The following AGBL4 variants were observed in gnomAD, a reference collection of about 807,000 sequenced individuals.
AGBL4 encodes the protein AGBL carboxypeptidase 4.
AGBL4 carries 58 observed loss-of-function variants against 66.4 expected under a neutral mutation model. The ratio of observed to expected loss-of-function variants is 0.87; its 90% CI spans 0.71 to 1.09. The LOEUF is 1.09. AGBL4 is among the 50% of genes least tolerant of loss of function. AGBL4 has a pLI of 0.00. For missense variants in AGBL4, 579 were observed against 631.0 expected, an observed-to-expected ratio of 0.92 and a Z score of 0.88; for synonymous variants, 234 against 222.9, an observed-to-expected ratio of 1.05 and a Z score of -0.44.
intron 4 of AGBL4, among the ~76,000 whole-genome samples, chr1:49,167,520 T>C (rs1048282743): frequency 5.9e-5 from 9 of 152,238 alleles, no homozygotes; most frequent in African/African-American, 2.2e-4. Context: ...CCTAGGTCTT[T>C]GAGCTCTATA....
intron 1 of AGBL4, among the ~76,000 whole-genome samples, chr1:49,942,311 A>G (rs1654833382): frequency 6.6e-6 from 1 of 152,054 alleles, no homozygotes; most frequent in African/African-American, 2.4e-5. Context: ...TTACAATGAC[A>G]TTTTTCACAA....
At chr1:49,892,475 A>AT (rs1457172375) in intron 1 of AGBL4, among the ~76,000 whole-genome samples, 2 of 152,000 alleles carry the variant, frequency 1.3e-5, no homozygotes, top group African/African-American at 2.4e-5. Flanking sequence ...ATCCCATTTG[A>AT]TTTTTTTACC....
At chr1:48,673,833 C>T (rs1438061609) in intron 6 of AGBL4, among the ~76,000 whole-genome samples, 3 of 152,238 alleles carry the variant, frequency 2.0e-5, no homozygotes, top group Non-Finnish European at 4.4e-5. Flanking sequence ...GTTTATGAAG[C>T]ATTCAGGTAC....
chr1:49,201,549 T>A (rs940401405), intron 4 of AGBL4, among the ~76,000 whole-genome samples: 1 of 152,194 alleles, frequency 6.6e-6, no homozygotes, highest in Non-Finnish European at 1.5e-5. Context: ...TTAGAATGTG[T>A]GTGACTGTAC....
rs1393276933 is a variant in AGBL4 at position 48,587,167 on chromosome 1, C to T, written c.1105-1G>A. On this transcript the variant is annotated splice_acceptor_variant, in intron 10 of 13. Transcript: ENST00000371839. LOFTEE classifies it high-confidence loss of function. ...CGTCCCGGTTAAAGGATGTGCTGGA[C>T]TGTGAAAGACAGAGTAGGGAGGAGA... 1.3e-6 allele frequency: 2 copies of T among 1,550,314 alleles called. No individual in the cohort carries two copies. Among genetic ancestry groups the T allele is most frequent in the Non-Finnish European group, 8.7e-7 (1 of 1,146,516 alleles).
chr1:48,878,381 A>G (rs535779256), intron 5 of AGBL4, among the ~76,000 whole-genome samples: 7 of 152,238 alleles, frequency 4.6e-5, no homozygotes, highest in African/African-American at 1.4e-4. Flanking sequence ...GGAATCAACA[A>G]TTCACCTTCT....
intron 6 of AGBL4, among the ~76,000 whole-genome samples, chr1:48,718,269 C>A (rs1370411184): frequency 6.6e-6 from 1 of 152,164 alleles, no homozygotes; most frequent in African/African-American, 2.4e-5. Flanking sequence ...GCAGCCCCAC[C>A]CTGCAAAGCC....
At chr1:49,936,291 A>G (rs1312671080) in intron 1 of AGBL4, among the ~76,000 whole-genome samples, 1 of 152,178 alleles carries the variant, frequency 6.6e-6, no homozygotes, top group Non-Finnish European at 1.5e-5. Context: ...TAGAGAAAAA[A>G]GAATAAAAAG....
At chr1:49,004,961 G>T in intron 5 of AGBL4, among the ~76,000 whole-genome samples, 1 of 152,154 alleles carries the variant, frequency 6.6e-6, no homozygotes, top group East Asian at 1.9e-4. Flanking sequence ...TGTTTGATGA[G>T]CACTGTTTCT....
At chr1:49,673,802 A>G (rs562716401) in intron 3 of AGBL4, among the ~76,000 whole-genome samples, 1 of 152,192 alleles carries the variant, frequency 6.6e-6, no homozygotes, top group East Asian at 1.9e-4. Flanking sequence ...AGACATAAGT[A>G]TAAACAAATA....
intron 6 of AGBL4, among the ~76,000 whole-genome samples, chr1:48,789,536 A>G (rs529389036): frequency 5.9e-5 from 9 of 152,102 alleles, no homozygotes; most frequent in East Asian, 1.9e-4. Flanking sequence ...TGATCCTACC[A>G]CCTTGGCCTC....
chr1:48,618,325 T>C (rs975740085), intron 9 of AGBL4, among the ~76,000 whole-genome samples: 7 of 152,130 alleles, frequency 4.6e-5, no homozygotes, highest in African/African-American at 1.4e-4. Flanking sequence ...TTAGTGAAAA[T>C]AGTTATGACA....
At position 49,847,455 on chromosome 1, in the gene AGBL4, T is replaced by C. The variant is rs376418625; in HGVS notation, c.157+3941A>G. ...AGCTTCCACACAGCAAAAGAAATAA[T>C]CAACACAATGAACAGACAACATGCA... On this transcript the variant is annotated intron_variant, in intron 2 of 13. Transcript: ENST00000371839. 3.4e-4 allele frequency among the ~76,000 whole-genome samples: 52 copies of C among 152,016 alleles called. 1 individual carries two copies. In the South Asian group the frequency reaches 9.6e-3, roughly 28 times the overall value.
Position 49,167,486 on chromosome 1 carries a change from C to T in AGBL4, c.377+78284G>A, listed in dbSNP as rs142104180. Reference sequence around the variant, plus strand: ...TCATTCATTACTCAAAGAAGGCTGGCCTCATGAATGGACCAGGCACCTGCC... The same window carrying T: ...TCATTCATTACTCAAAGAAGGCTGGTCTCATGAATGGACCAGGCACCTGCC... On this transcript the variant is annotated intron_variant, in intron 4 of 13. Transcript: ENST00000371839. Among the ~76,000 whole-genome samples the T allele has an allele frequency of 2.2e-3, 340 of 152,260 alleles. 3 individuals carry two copies. The highest frequency in any genetic ancestry group is 2.4e-3 in the Non-Finnish European group (160 of 68,008).
chr1:49,417,825 G>C (rs992961430), intron 3 of AGBL4, among the ~76,000 whole-genome samples: 2 of 152,072 alleles, frequency 1.3e-5, no homozygotes, highest in Non-Finnish European at 2.9e-5. Flanking sequence ...AAGCAATTCA[G>C]AACAGTCAGT....
chr1:49,896,649 ACACAC>A (rs1395126743), intron 1 of AGBL4, among the ~76,000 whole-genome samples: 2 of 144,364 alleles, frequency 1.4e-5, no homozygotes, highest in African/African-American at 2.6e-5. Flanking sequence ...ACACACACAC[ACACAC>A]AACTAAATGC....
At chr1:49,471,684 T>C (rs996944713) in intron 3 of AGBL4, among the ~76,000 whole-genome samples, 3 of 151,858 alleles carry the variant, frequency 2.0e-5, no homozygotes, top group Non-Finnish European at 4.4e-5. Context: ...ATCTGTTCCC[T>C]AGACAAAGGA....
chr1:49,536,940 G>T (rs1230437299), intron 3 of AGBL4, among the ~76,000 whole-genome samples: 2 of 151,754 alleles, frequency 1.3e-5, no homozygotes, highest in East Asian at 3.9e-4. Flanking sequence ...CCGGGAGCTG[G>T]AAGTTGCAGT....
At chr1:49,036,759 C>T (rs1204747554) in intron 5 of AGBL4, among the ~76,000 whole-genome samples, 3 of 149,994 alleles carry the variant, frequency 2.0e-5, no homozygotes, top group Non-Finnish European at 4.4e-5. Context: ...ATGAGGTCTC[C>T]CTATATTGCC....
Sources: gnomAD v4.1 joint callset for allele counts (sites outside exome capture counted in the v4.1 genomes callset) on GRCh38, gnomAD v4.1.1 for gene constraint, MANE v1.5 for transcripts, NCBI Gene and HGNC (gene_info 2026-07-23, HGNC 2026-07-21) for gene names.